The following PSD variants were observed in gnomAD, a reference collection of about 807,000 sequenced individuals.
PSD encodes the protein PH and SEC7 domain-containing protein 1.
Under a neutral mutation model 91.6 loss-of-function variants are expected in PSD, and 32 were observed. That is an observed-to-expected ratio of 0.35 (90% CI 0.26 to 0.47). The LOEUF is 0.47. PSD is among the 20% of genes least tolerant of loss of function. The pLI, the probability that PSD is intolerant of heterozygous loss-of-function variation, is 1.00. For missense variants in PSD, 1,099 were observed against 1,373.9 expected (o/e 0.80, Z 3.16); for synonymous variants, 532 against 569.3 (o/e 0.93, Z 0.93).
chr10:102,403,901 T>G lies in PSD; in HGVS notation c.2785A>C (p.Lys929Gln), dbSNP rs1346922825. 3.1e-6 allele frequency: 5 copies of G among 1,605,218 alleles called. No homozygotes were observed. Among genetic ancestry groups the G allele is most frequent in the South Asian group, 1.1e-5 (1 of 89,556 alleles). Residue 929 changes from lysine to glutamine, a missense_variant, in exon 16 of 17, where the codon AAG (lysine) becomes CAG (glutamine). By Grantham distance (53) the Lys-to-Gln change is moderately conservative. Transcript: ENST00000020673. This position sits in a 1 kb window ranked among gnomAD's most constrained non-coding sequence, Gnocchi z 6.7. Reference protein sequence around the residue: ...REHRAAQLGKKGRGKEAEEQR... With the variant: ...REHRAAQLGKQGRGKEAEEQR... ...TCTTCAGCCTCCTTGCCCCGGCCCT[T>G]CTTGCCCAGCTGGGCGGCCCGGTGC...
chr10:102,408,762 C>T, intron 10 of PSD: 1 of 521,954 alleles, frequency 1.9e-6, no homozygotes, highest in African/African-American at 2.1e-5. Context: ...CAGCCCGTGC[C>T]CGCCTCTGGC....
chr10:102,403,211 G>A lies in PSD; in HGVS notation c.3064C>T (p.Arg1022Trp), dbSNP rs927106104. Residue 1022 changes from arginine to tryptophan, a missense_variant, in exon 17 of 17, where the codon CGG (arginine) becomes TGG (tryptophan). This residue lies in a region of PSD where 358 missense variants were observed against 426.5 expected (regional missense o/e 0.84). Coordinates refer to ENST00000020673, the MANE Select transcript of PSD (RefSeq NM_002779.5). This position sits in a 1 kb window ranked among gnomAD's most constrained non-coding sequence, Gnocchi z 6.7. Reference sequence around the variant, plus strand: ...CCCTAAACCTCATCTCAGGGCTTCCGCCGCCCACTGCCTGCCCCTGGCCGA... The same window carrying A: ...CCCTAAACCTCATCTCAGGGCTTCCACCGCCCACTGCCTGCCCCTGGCCGA... ...EPRPGAGSGR[R>W]KP is the part of the protein sequence containing the mutation. 5.1e-6 allele frequency: 8 copies of A among 1,564,332 alleles called. 1 individual carries two copies. The Admixed American group carries it at 7.2e-5, about 14-fold the overall frequency.
At position 102,417,132 on chromosome 10, in the gene PSD, G is replaced by A; in HGVS notation, c.-83-11C>T. 1.4e-6 allele frequency: 1 copy of A among 701,226 alleles called. No individual in the cohort carries two copies. The highest frequency in any genetic ancestry group is 1.8e-5 in the South Asian group (1 of 55,568). 43.4% of individuals were successfully genotyped at this position (701,226 alleles called of 1,614,324 possible). On this transcript the variant is annotated splice_polypyrimidine_tract_variant and intron_variant, in intron 1 of 16. Transcript: ENST00000020673. ...GCTCTTCAGACAGGCCTGTAAGAGA[G>A]GAAGGGGAGCATGGGGTGAACTGCC...
Position 102,404,934 on chromosome 10 carries a change from C to T in PSD, c.2519G>A (p.Arg840His), listed in dbSNP as rs928947276. 7 of 1,613,786 alleles carry T rather than the reference C, an allele frequency of 4.3e-6. No individual in the cohort carries two copies. The highest frequency in any genetic ancestry group is 4.0e-5 in the African/African-American group (3 of 74,914). ...GAGGAAGACCCGCCAGTCAGCTGTGCGCAGGTAGAAGACGTGGGGCCTCTT... is the reference window on the plus strand; with the variant it reads ...GAGGAAGACCCGCCAGTCAGCTGTGTGCAGGTAGAAGACGTGGGGCCTCTT... ...YSKRPHVFYL[R>H]TADWRVFLFQ... Residue 840 changes from arginine to histidine, a missense_variant, in exon 14 of 17, where the codon CGC (arginine) becomes CAC (histidine). Arg to His is a conservative substitution (Grantham distance 29, BLOSUM62 0). This residue lies in a region of PSD where 358 missense variants were observed against 426.5 expected (regional missense o/e 0.84). Coordinates refer to ENST00000020673, the MANE Select transcript of PSD (RefSeq NM_002779.5). This position sits in a 1 kb window ranked among gnomAD's most constrained non-coding sequence, Gnocchi z 5.7.
chr10:102,418,961 CAAG>C (rs966220617), upstream of PSD: 4 of 344,402 alleles, frequency 1.2e-5, no homozygotes, highest in African/African-American at 8.7e-5. Context: ...CCGCCCCAGA[CAAG>C]GAGGAGGGCG....
Position 102,403,330 on chromosome 10 carries a change from C to T in PSD, c.2945G>A (p.Ser982Asn), listed in dbSNP as rs1466968097. The T allele has an allele frequency of 1.9e-6, 3 of 1,614,128 alleles. No individual in the cohort carries two copies. Among genetic ancestry groups the T allele is most frequent in the Non-Finnish European group, 2.5e-6 (3 of 1,180,020 alleles). Residue 982 changes from serine (S) to asparagine (N), a missense_variant, in exon 17 of 17, where the codon AGC becomes AAC. This residue lies in a region of PSD where 358 missense variants were observed against 426.5 expected (regional missense o/e 0.84). Coordinates refer to ENST00000020673, the MANE Select transcript of PSD (RefSeq NM_002779.5). This position sits in a 1 kb window ranked among gnomAD's most constrained non-coding sequence, Gnocchi z 6.7. The stretch of plus-strand genomic sequence containing the variant: ...AGAAGGAGGGAGTCCATCCTCTGTG[C>T]TCCCGGCCTGGGCCAGTGCTGCCTC... ...AVEAALAQAG[S>N]TEDGLPPSHS...
In PSD at chr10:102,405,627, C is replaced by G. The variant is rs748191649; in HGVS notation, c.2136-91G>C. 8.5e-6 allele frequency: 11 copies of G among 1,298,740 alleles called. No individual in the cohort carries two copies. Among genetic ancestry groups the G allele is most frequent in the Non-Finnish European group, 7.3e-6 (7 of 956,382 alleles). The allele number at this position is 1,298,740 out of a possible 1,614,324, so 80.5% of individuals were successfully genotyped here. A position where few individuals can be genotyped will look rare whatever the true frequency, so the allele number is the denominator to read the frequency against. ...TCTGCTCGCCCTGGAAAAGCTCCCCCAGTGTTTGTGGCTTGGGGGGCTCAA... is the reference window on the plus strand; with the variant it reads ...TCTGCTCGCCCTGGAAAAGCTCCCCGAGTGTTTGTGGCTTGGGGGGCTCAA... On this transcript the variant is annotated intron_variant, in intron 11 of 16. Coordinates refer to ENST00000020673, the MANE Select transcript of PSD (RefSeq NM_002779.5). This position sits in a 1 kb window ranked among gnomAD's most constrained non-coding sequence, Gnocchi z 5.4.
rs922371100 is a variant in PSD at position 102,402,915 on chromosome 10, C to A, written c.*285G>T. On this transcript the variant is annotated 3_prime_UTR_variant, in exon 17 of 17. Coordinates refer to ENST00000020673, the MANE Select transcript of PSD (RefSeq NM_002779.5). ...GAAACGGCATCAGGCCTCTCCCACA[C>A]AAAAAAAAAGCATCAAAAGTTCAGG... The A allele has an allele frequency of 3.1e-6, 1 of 319,934 alleles. No homozygotes were observed. The highest frequency in any genetic ancestry group is 5.7e-6 in the Non-Finnish European group (1 of 175,886). 19.8% of individuals were successfully genotyped at this position (319,934 alleles called of 1,614,324 possible). A position where few individuals can be genotyped will look rare whatever the true frequency, so the allele number is the denominator to read the frequency against.
At position 102,411,775 on chromosome 10, in the gene PSD, C is replaced by T. The variant is rs1376535528; in HGVS notation, c.1874G>A (p.Arg625Gln). The change falls in exon 8 of 17, where the codon CGA becomes CAA. Residue 625 changes from arginine to glutamine, a missense_variant. Physicochemically the swap from Arg to Gln is conservative, Grantham distance 43 (BLOSUM62 1). Coordinates refer to ENST00000020673, the MANE Select transcript of PSD (RefSeq NM_002779.5). The part of the protein sequence containing the change: ...ELALMGETQE[R>Q]ERVLAHFSQR... The stretch of plus-strand genomic sequence containing the variant: ...GGAGAAGTGGGCCAGCACGCGCTCT[C>T]GTTCCTGGGTCTCACCCATTAAGGC... 1.2e-6 allele frequency: 2 copies of T among 1,613,762 alleles called. No homozygotes were observed. The highest frequency in any genetic ancestry group is 1.7e-6 in the Non-Finnish European group (2 of 1,179,862).
At chr10:102,417,963 C>A (rs2061502222) in intron 1 of PSD, among the ~76,000 whole-genome samples, 1 of 152,146 alleles carries the variant, frequency 6.6e-6, no homozygotes, top group African/African-American at 2.4e-5. Context: ...CCCACTTTGG[C>A]CTCCCAAAGT....
At position 102,409,360 on chromosome 10, in the gene PSD, G is replaced by A. The variant is rs889882289; in HGVS notation, c.2091+1498C>T. The A allele has an allele frequency of 4.1e-6, 4 of 985,092 alleles. No individual in the cohort carries two copies. In the African/African-American group the frequency reaches 5.2e-5, roughly 13 times the overall value. The allele number at this position is 985,092 out of a possible 1,614,324, so 61.0% of individuals were successfully genotyped here. ...GGCGGGGACCGCATGAAATGGAGGCGCCCGATCGCGAAGGGGGCCCTCCCC... is the reference window on the plus strand; with the variant it reads ...GGCGGGGACCGCATGAAATGGAGGCACCCGATCGCGAAGGGGGCCCTCCCC... On this transcript the variant is annotated intron_variant, in intron 10 of 16. Coordinates refer to ENST00000020673, the MANE Select transcript of PSD (RefSeq NM_002779.5). This position sits in a 1 kb window ranked among gnomAD's most constrained non-coding sequence, Gnocchi z 5.7.
At chr10:102,418,973 C>T, upstream of PSD, 2 of 344,602 alleles carry the variant, frequency 5.8e-6, no homozygotes, top group South Asian at 2.1e-5. Flanking sequence ...AGGAGGAGGG[C>T]GCATGGAACC....
At position 102,411,795 on chromosome 10, in the gene PSD, T is replaced by C; in HGVS notation, c.1854A>G (p.Leu618=). 1.2e-6 allele frequency: 2 copies of C among 1,613,206 alleles called. No individual in the cohort carries two copies. The highest frequency in any genetic ancestry group is 1.3e-5 in the African/African-American group (1 of 75,004). ...ALRVFLKELA[L]MGETQERERV... is the part of the protein sequence containing the mutation. Reference sequence around the variant, plus strand: ...GCTCTCGTTCCTGGGTCTCACCCATTAAGGCCAGCTCCTTCAGAAACACCC... The same window carrying C: ...GCTCTCGTTCCTGGGTCTCACCCATCAAGGCCAGCTCCTTCAGAAACACCC... Residue 618 remains leucine, a synonymous_variant, in exon 8 of 17, where the codon TTA becomes TTG. Coordinates refer to ENST00000020673, the MANE Select transcript of PSD (RefSeq NM_002779.5).
rs1319984833 is a variant in PSD at position 102,409,585 on chromosome 10, G to A, written c.2091+1273C>T. The stretch of plus-strand genomic sequence containing the variant: ...CAGCCCTTTTCCACTGAGCCAAGAG[G>A]GGCCTCGAGGGAGGACGGAGGCAGG... On this transcript the variant is annotated intron_variant, in intron 10 of 16. Transcript: ENST00000020673. This position sits in a 1 kb window ranked among gnomAD's most constrained non-coding sequence, Gnocchi z 5.7. Among the ~76,000 whole-genome samples, 1 of 152,096 alleles carries A rather than the reference G, an allele frequency of 6.6e-6. No homozygotes were observed. The highest frequency in any genetic ancestry group is 1.5e-5 in the Non-Finnish European group (1 of 68,000).
intron 1 of PSD, among the ~76,000 whole-genome samples, 168 bp downstream of exon 1, chr10:102,418,533 C>G (rs1174810923): frequency 6.6e-6 from 1 of 152,066 alleles, no homozygotes; most frequent in African/African-American, 2.4e-5. Flanking sequence ...AGGGGTAAGA[C>G]AGATCCCGCC....
In PSD at chr10:102,416,445, GC is replaced by G; in HGVS notation, c.593del (p.Gly198AlafsTer19). 8 of 1,612,098 alleles carry G rather than the reference GC, an allele frequency of 5.0e-6. No homozygotes were observed. The highest frequency in any genetic ancestry group is 1.1e-5 in the South Asian group (1 of 90,704). On this transcript the variant is annotated frameshift_variant, in exon 2 of 17. Transcript: ENST00000020673. LOFTEE classifies it high-confidence loss of function. This position sits in a 1 kb window ranked among gnomAD's most constrained non-coding sequence, Gnocchi z 6.0. The stretch of plus-strand genomic sequence containing the variant: ...AGAGTGTGGCCAGGCGCTCAGGGGG[GC>G]CCCCCAGCCCATTGGGGAGAGAGGA... Reference protein sequence around the residue: ...LYSSLPNGLGGPPERLATLFG... With the variant: ...LYSSLPNGLGXPPERLATLFG...
chr10:102,404,972 G>A lies in PSD; in HGVS notation c.2481C>T (p.Ala827=), dbSNP rs1249180162. ...CGTGGGGCCTCTTGCTGTAGTCACTGGCACGAGTGGCCAGGGCATGGTGGA... is the reference window on the plus strand; with the variant it reads ...CGTGGGGCCTCTTGCTGTAGTCACTAGCACGAGTGGCCAGGGCATGGTGGA... ...ISIHHALATR[A]SDYSKRPHVF... Residue 827 remains alanine, a synonymous_variant, in exon 14 of 17, where the codon GCC becomes GCT. Transcript: ENST00000020673. The surrounding 1 kb of genome is among the most constrained non-coding windows in gnomAD (Gnocchi z 5.7). 3 of 1,614,144 alleles carry A rather than the reference G, an allele frequency of 1.9e-6. No homozygotes were observed.
chr10:102,411,926 G>T (rs111887214), intron 7 of PSD, 107 bp from the exon 8 acceptor site: 1 of 922,210 alleles, frequency 1.1e-6, no homozygotes, highest in South Asian at 1.3e-5. Flanking sequence ...GGGAAGGGGA[G>T]GAGAGAAAGG....
At position 102,414,497 on chromosome 10, in the gene PSD, TAGG is replaced by T. The variant is rs1175647286; in HGVS notation, c.1125-303_1125-301del. Among the ~76,000 whole-genome samples the T allele has an allele frequency of 1.3e-5, 2 of 152,036 alleles. No homozygotes were observed. Among genetic ancestry groups the T allele is most frequent in the Non-Finnish European group, 2.9e-5 (2 of 67,984 alleles). The stretch of plus-strand genomic sequence containing the variant: ...CCCATTTCTATTTCTAGCAACATCT[TAGG>T]AGAAGATGAGGCTCCAAGCGACACT... On this transcript the variant is annotated intron_variant, in intron 4 of 16. Transcript: ENST00000020673. The surrounding 1 kb of genome is among the most constrained non-coding windows in gnomAD (Gnocchi z 5.6).
Sources: allele counts gnomAD v4.1 joint callset (sites outside exome capture counted in the v4.1 genomes callset), GRCh38; gene constraint gnomAD v4.1.1; regional missense constraint gnomAD v4.1.1; non-coding constraint Gnocchi (gnomAD v3.1); transcripts MANE v1.5; gene names NCBI Gene and HGNC (gene_info 2026-07-23, HGNC 2026-07-21).